The following SLC12A9 variants were observed in gnomAD, a reference collection of about 807,000 sequenced individuals.
SLC12A9 encodes solute carrier family 12 member 9, also known as CCC-interacting protein 1.
Under a neutral mutation model 66.0 loss-of-function variants are expected in SLC12A9, and 55 were observed. The ratio of observed to expected loss-of-function variants is 0.83; its 90% CI spans 0.67 to 1.04. The LOEUF (loss-of-function observed/expected upper bound fraction) is 1.04. Ranked by LOEUF, SLC12A9 falls within the 50% of genes least tolerant of loss-of-function variation. The pLI, the probability that SLC12A9 is intolerant of heterozygous loss-of-function variation, is 0.00. For missense variants in SLC12A9, 1,061 were observed against 1,241.9 expected, an observed-to-expected ratio of 0.85 and a Z score of 2.19; for synonymous variants, 577 against 569.0, an observed-to-expected ratio of 1.01 and a Z score of -0.20.
chr7:100,863,172 C>A (rs1814869331), intron 13 of SLC12A9, among the ~76,000 whole-genome samples: 2 of 149,244 alleles, frequency 1.3e-5, no homozygotes, highest in Non-Finnish European at 3.0e-5. Flanking sequence ...TCAAGTGATT[C>A]TCCTGTCTTA....
chr7:100,858,860 G>C lies in SLC12A9; in HGVS notation c.783G>C (p.Thr261=). The C allele has an allele frequency of 6.2e-7, 1 of 1,614,172 alleles. No individual in the cohort carries two copies. Among genetic ancestry groups the C allele is most frequent in the Non-Finnish European group, 8.5e-7 (1 of 1,180,004 alleles). The change falls in exon 6 of 14, where the codon ACG becomes ACC. Residue 261 remains threonine, a synonymous_variant. Coordinates refer to ENST00000354161, the MANE Select transcript of SLC12A9 (RefSeq NM_020246.4). ...LGAGYAEDYT[T]GAVMNFASVF... is the part of the protein sequence containing the mutation. Reference sequence around the variant, plus strand: ...CTGGCTATGCTGAGGACTACACCACGGGAGCCGTGATGAATTTTGCCAGCG... The same window carrying C: ...CTGGCTATGCTGAGGACTACACCACCGGAGCCGTGATGAATTTTGCCAGCG...
chr7:100,848,934 AAG>A (rs561332703), upstream of SLC12A9, among the ~76,000 whole-genome samples: 50 of 142,166 alleles, frequency 3.5e-4, no homozygotes, highest in East Asian at 8.0e-4. Context: ...GAAAGAAAGA[AAG>A]AGCTAGGATA....
In SLC12A9 at chr7:100,866,243, C is replaced by T. The variant is rs370243696; in HGVS notation, c.2383C>T (p.Arg795Trp). 5.8e-5 allele frequency: 85 copies of T among 1,470,330 alleles called. No homozygotes were observed. The highest frequency in any genetic ancestry group is 1.7e-4 in the African/African-American group (12 of 69,618). The allele number at this position is 1,470,330 out of a possible 1,614,324, so 91.1% of individuals were successfully genotyped here. A position where few individuals can be genotyped will look rare whatever the true frequency, so the allele number is the denominator to read the frequency against. Residue 795 changes from arginine to tryptophan, a missense_variant, in exon 14 of 14, where the codon CGG becomes TGG. Physicochemically the swap from Arg to Trp is moderately radical, Grantham distance 101. Transcript: ENST00000354161. This position sits in a 1 kb window ranked among gnomAD's most constrained non-coding sequence, Gnocchi z 7.3. ...LRALLSQLRI[R>W]AEVQEVVWGE... ...GGCACTGCTGAGCCAACTGAGGATC[C>T]GGGCTGAGGTGCAGGAGGTGGTGTG...
chr7:100,846,831 G>A (rs1813927799), intron 1 of SLC12A9, among the ~76,000 whole-genome samples: 1 of 152,160 alleles, frequency 6.6e-6, no homozygotes, highest in African/African-American at 2.4e-5. Flanking sequence ...CAGACAGCCT[G>A]GTGCCACACC....
intron 7 of SLC12A9, chr7:100,859,581 A>G (rs1407375325): frequency 1.3e-5 from 5 of 399,318 alleles, no homozygotes; most frequent in Non-Finnish European, 2.3e-5. Flanking sequence ...TGTGATGGCA[A>G]ATGCTTGTAG....
At chr7:100,862,195 G>A (rs753438341) in intron 12 of SLC12A9, among the ~76,000 whole-genome samples, 4 of 152,054 alleles carry the variant, frequency 2.6e-5, no homozygotes, top group Admixed American at 2.0e-4. Flanking sequence ...GACCTCAAGT[G>A]CTCCGCCCAT....
intron 1 of SLC12A9, among the ~76,000 whole-genome samples, chr7:100,828,605 C>A (rs1290367519): frequency 6.6e-6 from 1 of 151,012 alleles, no homozygotes; most frequent in Non-Finnish European, 1.5e-5. Context: ...GTGAGGGGTC[C>A]GGCTAGATCT....
At chr7:100,849,549 C>T (rs1159496180), upstream of SLC12A9, among the ~76,000 whole-genome samples, 1 of 151,952 alleles carries the variant, frequency 6.6e-6, no homozygotes, top group Admixed American at 6.6e-5. Context: ...AACCCTGTCT[C>T]TGCTAAAAAT....
At chr7:100,862,651 G>T (rs748397818) in intron 12 of SLC12A9, 30 bp from the exon 13 acceptor site, 2 of 1,611,734 alleles carry the variant, frequency 1.2e-6, no homozygotes, top group African/African-American at 2.7e-5. Context: ...GACAACACTG[G>T]CTACCTTCCT....
chr7:100,866,495 G>A lies in SLC12A9; in HGVS notation c.2635G>A (p.Asp879Asn), dbSNP rs751285099. Residue 879 changes from aspartate (D) to asparagine (N), a missense_variant, in exon 14 of 14, where the codon GAT becomes AAT. By Grantham distance (23) the Asp-to-Asn change is conservative (BLOSUM62 1). Coordinates refer to ENST00000354161, the MANE Select transcript of SLC12A9 (RefSeq NM_020246.4). The surrounding 1 kb of genome is among the most constrained non-coding windows in gnomAD (Gnocchi z 7.3). ...TFLYLPRPPADPARYPRYLAL... is the reference protein window; with the variant it reads ...TFLYLPRPPANPARYPRYLAL... ...CCTGTACTTGCCTCGGCCGCCAGCC[G>A]ATCCCGCCCGATACCCCCGCTACCT... is the stretch of plus-strand genomic sequence containing the variant. 36 of 1,560,402 alleles carry A rather than the reference G, an allele frequency of 2.3e-5. No individual in the cohort carries two copies. The highest frequency in any genetic ancestry group is 2.9e-5 in the Non-Finnish European group (33 of 1,153,098).
At chr7:100,852,085 C>G (rs1414447143), upstream of SLC12A9, among the ~76,000 whole-genome samples, 1 of 152,156 alleles carries the variant, frequency 6.6e-6, no homozygotes, top group East Asian at 1.9e-4. Flanking sequence ...AGTCTCAGCT[C>G]TCAGTAGAGT....
intron 1 of SLC12A9, among the ~76,000 whole-genome samples, chr7:100,832,383 G>GT (rs1199207706): frequency 6.6e-6 from 1 of 152,074 alleles, no homozygotes; most frequent in Non-Finnish European, 1.5e-5. Flanking sequence ...GTGGTGGCAT[G>GT]TGGCTATGGT....
chr7:100,835,175 G>A (rs1813624879), intron 1 of SLC12A9, among the ~76,000 whole-genome samples: 1 of 152,118 alleles, frequency 6.6e-6, no homozygotes, highest in Non-Finnish European at 1.5e-5. Flanking sequence ...GGCCAACATG[G>A]TGAAACCCAG....
intron 1 of SLC12A9, among the ~76,000 whole-genome samples, chr7:100,831,211 C>T (rs926736399): frequency 3.3e-5 from 5 of 152,046 alleles, no homozygotes; most frequent in East Asian, 3.8e-4. Flanking sequence ...TTGGAGACGG[C>T]GTTTCACTCT....
chr7:100,859,544 T>TC (rs35362320), intron 7 of SLC12A9: 1 of 366,578 alleles, frequency 2.7e-6, no homozygotes, highest in Non-Finnish European at 5.0e-6. Flanking sequence ...AGCAAGAGCC[T>TC]CCCCCCAAAT....
Position 100,866,271 on chromosome 7 carries a change from G to T in SLC12A9, c.2411G>T (p.Gly804Val), listed in dbSNP as rs1815084525. 6 of 1,556,574 alleles carry T rather than the reference G, an allele frequency of 3.9e-6. No individual in the cohort carries two copies. The highest frequency in any genetic ancestry group is 5.2e-6 in the Non-Finnish European group (6 of 1,151,140). The change falls in exon 14 of 14, where the codon GGC becomes GTC. Residue 804 changes from glycine to valine, a missense_variant. Coordinates refer to ENST00000354161, the MANE Select transcript of SLC12A9 (RefSeq NM_020246.4). The surrounding 1 kb of genome is among the most constrained non-coding windows in gnomAD (Gnocchi z 7.3). Reference protein sequence around the residue: ...IRAEVQEVVWGEGAGAGEPEA... With the variant: ...IRAEVQEVVWVEGAGAGEPEA... ...GCTGAGGTGCAGGAGGTGGTGTGGG[G>T]CGAGGGGGCCGGGGCTGGGGAACCC...
At position 100,865,951 on chromosome 7, in the gene SLC12A9, G is replaced by T. The variant is rs751913805; in HGVS notation, c.2091G>T (p.Val697=). ...VADALKMNKN[V]VLARASGALP... Reference sequence around the variant, plus strand: ...ACGCCCTCAAGATGAACAAGAATGTGGTGCTGGCCCGGGCCAGCGGGGCCT... The same window carrying T: ...ACGCCCTCAAGATGAACAAGAATGTTGTGCTGGCCCGGGCCAGCGGGGCCT... The change falls in exon 14 of 14, where the codon GTG becomes GTT. Residue 697 remains valine (V), a synonymous_variant. Transcript: ENST00000354161. 4.8e-5 allele frequency: 78 copies of T among 1,613,280 alleles called. 1 individual carries two copies. Among genetic ancestry groups the T allele is most frequent in the South Asian group, 2.9e-4 (26 of 91,076 alleles).
chr7:100,861,016 C>T lies in SLC12A9; in HGVS notation c.1219-122C>T. Reference sequence around the variant, plus strand: ...GGGTGCACTGGCACTTTGCAGGGTTCACTGGCACTTTCTGGGGCTCATTGA... The same window carrying T: ...GGGTGCACTGGCACTTTGCAGGGTTTACTGGCACTTTCTGGGGCTCATTGA... On this transcript the variant is annotated intron_variant, in intron 9 of 13. Transcript: ENST00000354161. The surrounding 1 kb of genome is among the most constrained non-coding windows in gnomAD (Gnocchi z 5.3). 1.9e-6 allele frequency: 3 copies of T among 1,553,714 alleles called. No individual in the cohort carries two copies. In the South Asian group the frequency reaches 3.4e-5, roughly 17 times the overall value.
intron 13 of SLC12A9, among the ~76,000 whole-genome samples, chr7:100,864,078 C>CTT (rs10598573): frequency 1.1e-4 from 11 of 102,456 alleles, no homozygotes; most frequent in African/African-American, 3.5e-4. Flanking sequence ...CGGTTTTTGC[C>CTT]TTTTTTTTTT....
Sources: allele counts gnomAD v4.1 joint callset (sites outside exome capture counted in the v4.1 genomes callset), GRCh38; gene constraint gnomAD v4.1.1; non-coding constraint Gnocchi (gnomAD v3.1); transcripts MANE v1.5; gene names NCBI Gene and HGNC (gene_info 2026-07-23, HGNC 2026-07-21).